The following NPR1 variants were observed in gnomAD, a reference collection of about 807,000 sequenced individuals.
NPR1 encodes natriuretic peptide receptor 1.
A neutral mutation model predicts 116.9 loss-of-function variants in NPR1; 57 were observed. That is an observed-to-expected ratio of 0.49 (90% CI 0.39 to 0.61). NPR1 has a LOEUF of 0.61. Ranked by LOEUF, NPR1 falls within the 20% of genes least tolerant of loss-of-function variation. NPR1 has a pLI of 0.00. For synonymous variants in NPR1, 555 were observed against 601.6 expected (o/e 0.92, Z 1.13); for missense variants, 1,096 against 1,409.8 (o/e 0.78, Z 3.56).
rs1214997371 is a variant in NPR1 at position 153,678,982 on chromosome 1, G to C, written c.-127G>C. On this transcript the variant is annotated 5_prime_UTR_variant, in exon 1 of 22. Transcript: ENST00000368680. The surrounding 1 kb of genome is among the most constrained non-coding windows in gnomAD (Gnocchi z 5.8). ...CAGGGGGCCTCGAGCCCCGGGGTGAGCGTCCCCGTCCCGCTCCTGCTCCTT... is the reference window on the plus strand; with the variant it reads ...CAGGGGGCCTCGAGCCCCGGGGTGACCGTCCCCGTCCCGCTCCTGCTCCTT... 1.7e-6 allele frequency: 2 copies of C among 1,211,352 alleles called. No homozygotes were observed. Among genetic ancestry groups the C allele is most frequent in the African/African-American group, 1.6e-5 (1 of 62,192 alleles). The allele number at this position is 1,211,352 out of a possible 1,614,324, so 75.0% of individuals were successfully genotyped here. A position where few individuals can be genotyped will look rare whatever the true frequency, so the allele number is the denominator to read the frequency against.
At chr1:153,681,663 T>G in intron 3 of NPR1, 41 bp from the exon 4 acceptor site, 1 of 1,604,202 alleles carries the variant, frequency 6.2e-7, no homozygotes, top group Non-Finnish European at 8.5e-7. Context: ...CTCCATGCCC[T>G]TCATATGCCC....
chr1:153,682,156 G>C (rs1054151861), intron 4 of NPR1, among the ~76,000 whole-genome samples: 1 of 151,926 alleles, frequency 6.6e-6, no homozygotes, highest in Non-Finnish European at 1.5e-5. Context: ...CCAGGTTCAA[G>C]CAATTCTCCT....
Position 153,688,203 on chromosome 1 carries a change from C to T in NPR1, c.2399C>T (p.Thr800Met), listed in dbSNP as rs757509380. 2.2e-5 allele frequency: 36 copies of T among 1,613,538 alleles called. 1 individual carries two copies. Among genetic ancestry groups the T allele is most frequent in the Middle Eastern group, 3.3e-4 (2 of 6,078 alleles). ...CCACCATTCCAGCAGATCCGCCTGA[C>T]GTTGCGCAAATTTAACAGGTCCCTG... Reference protein sequence around the residue: ...ERPPFQQIRLTLRKFNRENSS... With the variant: ...ERPPFQQIRLMLRKFNRENSS... Residue 800 changes from threonine (T) to methionine (M), a missense_variant, in exon 15 of 22, where the codon ACG becomes ATG. Transcript: ENST00000368680.
At position 153,693,957 on chromosome 1, in the gene NPR1, C is replaced by T; in HGVS notation, c.*543C>T. 1 of 396,444 alleles carries T rather than the reference C, an allele frequency of 2.5e-6. No homozygotes were observed. Among genetic ancestry groups the T allele is most frequent in the Non-Finnish European group, 4.4e-6 (1 of 225,256 alleles). 24.6% of individuals were successfully genotyped at this position (396,444 alleles called of 1,614,324 possible). ...GGGGGCCTGTATGCCTTGCTTCTAC[C>T]ATGAGCAGAGACAATTAAAATCTTT... On this transcript the variant is annotated 3_prime_UTR_variant, in exon 22 of 22. Transcript: ENST00000368680.
intron 14 of NPR1, 122 bp downstream of exon 14, chr1:153,687,911 T>C: frequency 1.7e-6 from 2 of 1,174,204 alleles, no homozygotes; most frequent in Non-Finnish European, 2.4e-6. Flanking sequence ...TCACCACCCT[T>C]TGACCCATTG....
At position 153,689,764 on chromosome 1, in the gene NPR1, G is replaced by C; in HGVS notation, c.2758-42G>C. On this transcript the variant is annotated intron_variant, in intron 18 of 21. Transcript: ENST00000368680. The surrounding 1 kb of genome is among the most constrained non-coding windows in gnomAD (Gnocchi z 5.1). ...GTGTGACGGTGTGGCCGGCCGCACA[G>C]TTGCAGCCGTCAAGTCCTGCACCCC... 1 of 1,481,988 alleles carries C rather than the reference G, an allele frequency of 6.7e-7. No homozygotes were observed. 91.8% of individuals were successfully genotyped at this position (1,481,988 alleles called of 1,614,324 possible).
At position 153,679,080 on chromosome 1, in the gene NPR1, G is replaced by T; in HGVS notation, c.-29G>T. 1 of 1,400,960 alleles carries T rather than the reference G, an allele frequency of 7.1e-7. No homozygotes were observed. The highest frequency in any genetic ancestry group is 9.2e-7 in the Non-Finnish European group (1 of 1,089,352). The allele number at this position is 1,400,960 out of a possible 1,614,324, so 86.8% of individuals were successfully genotyped here. ...GGACCGAGGAGGCCATGGTAGGAGC[G>T]CTCGCCTGCTGCGGTGCCCGCTGAG... On this transcript the variant is annotated 5_prime_UTR_variant, in exon 1 of 22. Coordinates refer to ENST00000368680, the MANE Select transcript of NPR1 (RefSeq NM_000906.4). The surrounding 1 kb of genome is among the most constrained non-coding windows in gnomAD (Gnocchi z 4.2).
chr1:153,681,248 A>T lies in NPR1; in HGVS notation c.990A>T (p.Lys330Asn), dbSNP rs1245620717. Residue 330 changes from lysine to asparagine, a missense_variant, in exon 3 of 22, where the codon AAA (lysine) becomes AAT (asparagine). Lys to Asn is a moderately conservative substitution (Grantham distance 94, BLOSUM62 0). Coordinates refer to ENST00000368680, the MANE Select transcript of NPR1 (RefSeq NM_000906.4). Reference protein sequence around the residue: ...PEYLEFLKQLKHLAYEQFNFT... With the variant: ...PEYLEFLKQLNHLAYEQFNFT... ...ACTTGGAATTCCTGAAGCAGTTAAA[A>T]CACCTGGCCTATGAGCAGTTCAACT... 1 of 1,613,606 alleles carries T rather than the reference A, an allele frequency of 6.2e-7. No homozygotes were observed. The highest frequency in any genetic ancestry group is 1.7e-5 in the Admixed American group (1 of 60,002).
Position 153,690,367 on chromosome 1 carries a change from G to T in NPR1, c.3016G>T (p.Glu1006Ter). 3.9e-6 allele frequency: 6 copies of T among 1,557,522 alleles called. No homozygotes were observed. The highest frequency in any genetic ancestry group is 5.2e-6 in the Non-Finnish European group (6 of 1,149,432). ...TACAGTCAACACAGCCTCAAGAATG[G>T]AGTCTAATGGGGAAGGTACAGTGCC... Reference protein sequence around the residue: ...GDTVNTASRMESNGEALKIHL... With the variant: ...GDTVNTASRM The change falls in exon 20 of 22, where the codon GAG becomes TAG. Residue 1006 changes from glutamate to a stop codon, truncating the protein, a stop_gained. Coordinates refer to ENST00000368680, the MANE Select transcript of NPR1 (RefSeq NM_000906.4). LOFTEE classifies it high-confidence loss of function.
At position 153,683,340 on chromosome 1, in the gene NPR1, G is replaced by A. The variant is rs548536953; in HGVS notation, c.1264-36G>A. 1.0e-5 allele frequency: 16 copies of A among 1,603,884 alleles called. No individual in the cohort carries two copies. The South Asian group carries it at 1.4e-4, about 14-fold the overall frequency. ...GCACTCACAGCATGCCTTCCCCGCA[G>A]GCCCTGGCCTAGCCACCACTCCTGC... On this transcript the variant is annotated intron_variant, in intron 5 of 21. Transcript: ENST00000368680.
rs1252742599 is a variant in NPR1, at chr1:153,689,196, C to T, written c.2573C>T (p.Ala858Val). The change falls in exon 17 of 22, where the codon GCT becomes GTT. Residue 858 changes from alanine (A) to valine (V), a missense_variant. Transcript: ENST00000368680. The surrounding 1 kb of genome is among the most constrained non-coding windows in gnomAD (Gnocchi z 5.1). ...CTGCCCTGACCCCTTAGCTCAGTGG[C>T]TGAGCAGCTGAAGCGTGGGGAGACG... is the stretch of plus-strand genomic sequence containing the variant. The part of the protein sequence containing the change: ...LLYQILPHSV[A>V]EQLKRGETVQ... 6.2e-7 allele frequency: 1 copy of T among 1,614,086 alleles called. No homozygotes were observed. Among genetic ancestry groups the T allele is most frequent in the East Asian group, 2.2e-5 (1 of 44,898 alleles).
chr1:153,693,613 A>G lies in NPR1; in HGVS notation c.*199A>G, dbSNP rs1047909747. On this transcript the variant is annotated 3_prime_UTR_variant, in exon 22 of 22. Coordinates refer to ENST00000368680, the MANE Select transcript of NPR1 (RefSeq NM_000906.4). ...GGCATGGGGGGATCTCAGAGCTTAC[A>G]GGCTGAGCCAAGCCCACGGCCATGC... The G allele has an allele frequency of 2.3e-5, 12 of 519,488 alleles. No individual in the cohort carries two copies. The highest frequency in any genetic ancestry group is 3.7e-5 in the Non-Finnish European group (11 of 299,156). The allele number at this position is 519,488 out of a possible 1,614,324, so 32.2% of individuals were successfully genotyped here. A position where few individuals can be genotyped will look rare whatever the true frequency, so the allele number is the denominator to read the frequency against.
chr1:153,692,042 A>T (rs959579527), intron 20 of NPR1, among the ~76,000 whole-genome samples: 3 of 151,866 alleles, frequency 2.0e-5, no homozygotes, highest in Admixed American at 6.6e-5. Context: ...TCCATCACTG[A>T]CCTCCTCAGC....
chr1:153,680,741 G>A lies in NPR1; in HGVS notation c.921+41G>A, dbSNP rs373365334. 8.0e-5 allele frequency: 121 copies of A among 1,520,218 alleles called. 1 individual carries two copies. In the African/African-American group the frequency reaches 1.3e-3, roughly 17 times the overall value. The allele number at this position is 1,520,218 out of a possible 1,614,324, so 94.2% of individuals were successfully genotyped here. A position where few individuals can be genotyped will look rare whatever the true frequency, so the allele number is the denominator to read the frequency against. On this transcript the variant is annotated intron_variant, in intron 2 of 21. Coordinates refer to ENST00000368680, the MANE Select transcript of NPR1 (RefSeq NM_000906.4). ...TGAAGCCCAGGCTGTCTCAGCTTGT[G>A]GCACATCATTTCTGGGCACTGTGTC...
intron 2 of NPR1, 22 bp from the exon 3 acceptor site, chr1:153,681,158 T>C: frequency 6.9e-7 from 1 of 1,440,168 alleles, no homozygotes; most frequent in East Asian, 2.3e-5. Context: ...AACTCTCTGC[T>C]CTCCACTGAC....
At chr1:153,684,219 T>C (rs1018186836) in intron 7 of NPR1, among the ~76,000 whole-genome samples, 2 of 151,822 alleles carry the variant, frequency 1.3e-5, no homozygotes, top group African/African-American at 4.8e-5. Context: ...CAACCTAGAA[T>C]GGAGAAGGGA....
At chr1:153,681,476 C>T (rs921403912) in intron 3 of NPR1, 183 bp downstream of exon 3, 23 of 640,276 alleles carry the variant, frequency 3.6e-5, no homozygotes, top group Non-Finnish European at 5.2e-5. Context: ...CTCAGGTCAT[C>T]ATCAGTAATA....
chr1:153,689,647 C>A lies in NPR1; in HGVS notation c.2757+126C>A. On this transcript the variant is annotated intron_variant, in intron 18 of 21. Transcript: ENST00000368680. The surrounding 1 kb of genome is among the most constrained non-coding windows in gnomAD (Gnocchi z 5.1). ...TCGGGGACACGGGCAGAGACAGTGA[C>A]ACAGGGAGACCCGGGAACAGGCAGA... 1 of 1,211,038 alleles carries A rather than the reference C, an allele frequency of 8.3e-7. No homozygotes were observed. The highest frequency in any genetic ancestry group is 1.2e-6 in the Non-Finnish European group (1 of 844,336). 75.0% of individuals were successfully genotyped at this position (1,211,038 alleles called of 1,614,324 possible). A position where few individuals can be genotyped will look rare whatever the true frequency, so the allele number is the denominator to read the frequency against.
chr1:153,685,092 C>G lies in NPR1; in HGVS notation c.1605+8C>G, dbSNP rs750532461. 2 of 1,613,232 alleles carry G rather than the reference C, an allele frequency of 1.2e-6. No individual in the cohort carries two copies. Among genetic ancestry groups the G allele is most frequent in the Non-Finnish European group, 1.7e-6 (2 of 1,179,702 alleles). Reference sequence around the variant, plus strand: ...CGGCTGACCCTGAGCGGGGTAAGAACGCTGGTGTTTGTGTTGGGGGGCAAT... The same window carrying G: ...CGGCTGACCCTGAGCGGGGTAAGAAGGCTGGTGTTTGTGTTGGGGGGCAAT... On this transcript the variant is annotated splice_region_variant and intron_variant, in intron 8 of 21. Transcript: ENST00000368680.
Sources: gnomAD v4.1 joint callset for allele counts (sites outside exome capture counted in the v4.1 genomes callset) on GRCh38, gnomAD v4.1.1 for gene constraint, Gnocchi (gnomAD v3.1) non-coding constraint, MANE v1.5 for transcripts, NCBI Gene and HGNC (gene_info 2026-07-23, HGNC 2026-07-21) for gene names.